STK32A: variants seen among roughly 807,000 people sequenced by gnomAD.
The protein encoded by STK32A is serine/threonine-protein kinase 32A.
STK32A carries 41 observed loss-of-function variants against 53.2 expected under a neutral mutation model. That is an observed-to-expected ratio of 0.77 (90% confidence interval 0.60 to 1.00). The LOEUF (loss-of-function observed/expected upper bound fraction) is 1.00. Among genes scored for constraint, STK32A ranks in the 50% least tolerant of loss-of-function variants. STK32A has a pLI of 0.00. For missense variants in STK32A, 458 were observed against 485.8 expected, an observed-to-expected ratio of 0.94 and a Z score of 0.54; for synonymous variants, 166 against 162.8, an observed-to-expected ratio of 1.02 and a Z score of -0.15.
chr5:147,380,476 A>AAAAAATAAT (rs60291302), intron 11 of STK32A, among the ~76,000 whole-genome samples: 4,730 of 152,224 alleles, frequency 0.031, 241 homozygotes, highest in African/African-American at 0.11. Context: ...CTAGGTTAAA[A>AAAAAATAAT]AAAAATAATA....
At chr5:147,370,251 A>G (rs887158214) in intron 8 of STK32A, among the ~76,000 whole-genome samples, 1 of 152,152 alleles carries the variant, frequency 6.6e-6, no homozygotes, top group African/African-American at 2.4e-5. Context: ...ATTTACTTGC[A>G]ATCAACCCTT....
intron 4 of STK32A, among the ~76,000 whole-genome samples, chr5:147,298,961 G>A (rs941308072): frequency 6.6e-6 from 1 of 152,132 alleles, no homozygotes; most frequent in Non-Finnish European, 1.5e-5. Flanking sequence ...TGGTGAGGTT[G>A]GGTGAACCAA....
At chr5:147,333,080 A>T (rs1754950339) in intron 5 of STK32A, among the ~76,000 whole-genome samples, 1 of 152,242 alleles carries the variant, frequency 6.6e-6, no homozygotes, top group African/African-American at 2.4e-5. Flanking sequence ...ATACATTATA[A>T]TATAAAGCTT....
intron 7 of STK32A, among the ~76,000 whole-genome samples, chr5:147,354,907 A>G (rs1483416906): frequency 6.6e-6 from 1 of 152,202 alleles, no homozygotes; most frequent in Non-Finnish European, 1.5e-5. Flanking sequence ...CCTTATTCCA[A>G]AATGATTATG....
intron 7 of STK32A, among the ~76,000 whole-genome samples, chr5:147,356,310 T>C (rs183761685): frequency 6.6e-6 from 1 of 152,348 alleles, no homozygotes; most frequent in African/African-American, 2.4e-5. Flanking sequence ...GCATGCATTG[T>C]CATTTAAACT....
At chr5:147,391,928 A>G (rs1367811557), downstream of STK32A, 2 of 152,250 alleles carry the variant, frequency 1.3e-5, no homozygotes, top group African/African-American at 4.8e-5. Context: ...ACTTATCTTC[A>G]TGGCACAGAG....
chr5:147,385,671 G>GT lies in STK32A; in HGVS notation c.*1689dup, dbSNP rs1757621733. 6.6e-6 allele frequency: 1 copy of GT among 152,206 alleles called. No homozygotes were observed. The highest frequency in any genetic ancestry group is 1.9e-4 in the East Asian group (1 of 5,202). The allele number at this position is 152,206 out of a possible 1,614,324, so 9.4% of individuals were successfully genotyped here. A position where few individuals can be genotyped will look rare whatever the true frequency, so the allele number is the denominator to read the frequency against. On this transcript the variant is annotated 3_prime_UTR_variant, in exon 13 of 13. Coordinates refer to ENST00000397936, the MANE Select transcript of STK32A (RefSeq NM_001112724.2). ...CACCTAAGTGAGACGTGCATATGAT[G>GT]TAACTCCACTGTACAGATACACAGA...
intron 10 of STK32A, among the ~76,000 whole-genome samples, chr5:147,373,554 C>A (rs1166927595): frequency 6.6e-6 from 1 of 152,096 alleles, no homozygotes; most frequent in African/African-American, 2.4e-5. Context: ...TTTTTATGGT[C>A]TGTTTTTATT....
At chr5:147,254,990 A>T (rs1475788884) in intron 2 of STK32A, among the ~76,000 whole-genome samples, 1 of 152,238 alleles carries the variant, frequency 6.6e-6, no homozygotes, top group East Asian at 1.9e-4. Context: ...ATACAAAAAA[A>T]TTAGCTGGGC....
At chr5:147,299,539 C>T (rs1287535082) in intron 4 of STK32A, among the ~76,000 whole-genome samples, 1 of 152,146 alleles carries the variant, frequency 6.6e-6, no homozygotes, top group African/African-American at 2.4e-5. Context: ...TACCAACATT[C>T]CAATTGTCAC....
chr5:147,279,144 G>T, intron 3 of STK32A, 103 bp from the exon 4 acceptor site: 3 of 1,129,926 alleles, frequency 2.7e-6, no homozygotes, highest in Non-Finnish European at 2.4e-6. Context: ...ATTTGCAAAT[G>T]TTAAGGATCC....
chr5:147,373,659 T>C (rs546944262), intron 10 of STK32A, among the ~76,000 whole-genome samples: 2 of 152,308 alleles, frequency 1.3e-5, no homozygotes, highest in African/African-American at 4.8e-5. Flanking sequence ...GAAGTTTGTG[T>C]CCCTAGAGAT....
intron 4 of STK32A, among the ~76,000 whole-genome samples, chr5:147,290,824 G>A (rs995244062): frequency 6.6e-5 from 10 of 152,138 alleles, no homozygotes; most frequent in African/African-American, 1.9e-4. Context: ...AGAGCTTGAG[G>A]ATGCCCACCT....
intron 7 of STK32A, among the ~76,000 whole-genome samples, chr5:147,359,142 C>T (rs1435477667): frequency 6.6e-6 from 1 of 152,192 alleles, no homozygotes; most frequent in Non-Finnish European, 1.5e-5. Flanking sequence ...TAGCCCTTCT[C>T]TGACTCTCTT....
In STK32A at chr5:147,355,792, G is replaced by GTGTGTGTATA. The variant is rs984298293; in HGVS notation, c.562+4639_562+4640insGTGTGTATAT. 9.0e-4 allele frequency among the ~76,000 whole-genome samples: 133 copies of GTGTGTGTATA among 147,840 alleles called. 1 individual carries two copies. The East Asian group carries it at 0.024, about 27-fold the overall frequency. ...TATGTATGTGTGTGAGTGTGTGTGT[G>GTGTGTGTATA]TATATATATATATATATATAAATAA... On this transcript the variant is annotated intron_variant, in intron 7 of 12. Transcript: ENST00000397936.
Position 147,239,655 on chromosome 5 carries a change from A to AAAACCACCATCAAACCATC in STK32A, c.30_31insTCAAACCATCAAACCACCA (p.Val11SerfsTer9). The AAAACCACCATCAAACCATC allele has an allele frequency of 6.2e-7, 1 of 1,609,456 alleles. No homozygotes were observed. The highest frequency in any genetic ancestry group is 8.5e-7 in the Non-Finnish European group (1 of 1,177,826). The stretch of plus-strand genomic sequence containing the variant: ...CAACCATGGGAGCGAACACTTCAAG[A>AAAACCACCATCAAACCATC]AAACCACCAGTGTTTGATGAAAATG... On this transcript the variant is annotated frameshift_variant, in exon 2 of 13. Coordinates refer to ENST00000397936, the MANE Select transcript of STK32A (RefSeq NM_001112724.2). LOFTEE classifies it high-confidence loss of function.
chr5:147,383,142 GC>G (rs1757517963), intron 11 of STK32A: 1 of 388,870 alleles, frequency 2.6e-6, no homozygotes, highest in African/African-American at 2.2e-5. Flanking sequence ...ACTGCGCTTT[GC>G]CACCCAAGCC....
At chr5:147,360,963 C>T (rs1756478572) in intron 7 of STK32A, among the ~76,000 whole-genome samples, 1 of 152,136 alleles carries the variant, frequency 6.6e-6, no homozygotes, top group African/African-American at 2.4e-5. Context: ...GTAAAGAACC[C>T]ACAGCTGTTG....
chr5:147,374,856 T>G (rs556011207), intron 10 of STK32A, among the ~76,000 whole-genome samples: 1 of 152,318 alleles, frequency 6.6e-6, no homozygotes, highest in African/African-American at 2.4e-5. Flanking sequence ...GAAAAATAAC[T>G]GTAAGTCGGC....
Sources: gnomAD v4.1 joint callset for allele counts (sites outside exome capture counted in the v4.1 genomes callset) on GRCh38, gnomAD v4.1.1 for gene constraint, MANE v1.5 for transcripts, NCBI Gene and HGNC (gene_info 2026-07-23, HGNC 2026-07-21) for gene names.